PTPRQ: variants seen among roughly 807,000 people sequenced by gnomAD.
PTPRQ encodes the protein protein tyrosine phosphatase receptor type Q, also known as phosphatidylinositol phosphatase PTPRQ.
Under a neutral mutation model 246.0 loss-of-function variants are expected in PTPRQ, and 199 were observed. The observed-to-expected ratio is 0.81, with a 90% CI of 0.72 to 0.91. The LOEUF is 0.91. PTPRQ is among the 40% of genes least tolerant of loss of function. The probability of loss-of-function intolerance (pLI) is 0.00; values close to 1 mark genes in which losing one functional copy is unlikely to be tolerated. For synonymous variants in PTPRQ, 869 were observed against 853.2 expected, an observed-to-expected ratio of 1.02 and a Z score of -0.32; for missense variants, 2,624 against 2,528.4, an observed-to-expected ratio of 1.04 and a Z score of -0.81.
intron 8 of PTPRQ, among the ~76,000 whole-genome samples, chr12:80,476,474 C>A (rs1027523335): frequency 5.3e-5 from 8 of 152,008 alleles, no homozygotes; most frequent in African/African-American, 1.9e-4. Context: ...AATGGCCCAA[C>A]GATTGTCACA....
chr12:80,652,765 G>C lies in PTPRQ; in HGVS notation c.6046G>C (p.Asp2016His). The change falls in exon 38 of 45, where the codon GAT becomes CAT. Residue 2016 changes from aspartate to histidine, a missense_variant. Coordinates refer to ENST00000644991, the MANE Select transcript of PTPRQ (RefSeq NM_001145026.2). Reference protein sequence around the residue: ...EFSELPKFLQDLSSTDADLPW... With the variant: ...EFSELPKFLQHLSSTDADLPW... ...ACAGGAATTACCAAAATTTCTTCAG[G>C]ATCTTTCTTCAACTGATGCTGATCT... is the stretch of plus-strand genomic sequence containing the variant. The C allele has an allele frequency of 6.7e-7, 1 of 1,499,564 alleles. No individual in the cohort carries two copies. The highest frequency in any genetic ancestry group is 8.9e-7 in the Non-Finnish European group (1 of 1,126,888). 92.9% of individuals were successfully genotyped at this position (1,499,564 alleles called of 1,614,324 possible).
At chr12:80,627,682 T>C (rs566183821) in intron 33 of PTPRQ, among the ~76,000 whole-genome samples, 2 of 152,280 alleles carry the variant, frequency 1.3e-5, no homozygotes, top group South Asian at 4.1e-4. Context: ...CAATTTATTA[T>C]GTAAACAGAC....
intron 35 of PTPRQ, among the ~76,000 whole-genome samples, chr12:80,637,041 C>A (rs1042515535): frequency 6.6e-6 from 1 of 152,078 alleles, no homozygotes; most frequent in Non-Finnish European, 1.5e-5. Flanking sequence ...GGGTGAATAA[C>A]CTGAGGTCAG....
rs1362403717 is a variant in PTPRQ, at chr12:80,620,294, A to T, written c.5530A>T (p.Ile1844Leu). 6 of 1,549,478 alleles carry T rather than the reference A, an allele frequency of 3.9e-6. No individual in the cohort carries two copies. The highest frequency in any genetic ancestry group is 5.2e-6 in the Non-Finnish European group (6 of 1,145,586). The change falls in exon 32 of 45, where the codon ATA becomes TTA. Residue 1844 changes from isoleucine to leucine, a missense_variant. Coordinates refer to ENST00000644991, the MANE Select transcript of PTPRQ (RefSeq NM_001145026.2). ...TAGTGGCAATGAAGAAATCTACATC[A>T]TAGGTGCTGATAATGCATGCATGAT... is the stretch of plus-strand genomic sequence containing the variant. ...KFSGNEEIYIIGADNACMIPG... is the reference protein window; with the variant it reads ...KFSGNEEIYILGADNACMIPG...
intron 6 of PTPRQ, among the ~76,000 whole-genome samples, chr12:80,463,391 T>C (rs1389107519): frequency 1.3e-5 from 2 of 152,200 alleles, no homozygotes; most frequent in African/African-American, 2.4e-5. Flanking sequence ...CTACGTATGA[T>C]TGGTATACCT....
rs1171640162 is a variant in PTPRQ at position 80,444,842 on chromosome 12, T to G, written c.156T>G (p.Asn52Lys). 4.0e-6 allele frequency: 6 copies of G among 1,518,348 alleles called. No homozygotes were observed. In the Admixed American group the frequency reaches 1.2e-4, roughly 31 times the overall value. The allele number at this position is 1,518,348 out of a possible 1,614,324, so 94.1% of individuals were successfully genotyped here. A position where few individuals can be genotyped will look rare whatever the true frequency, so the allele number is the denominator to read the frequency against. ...CTGTTACTAGAATAGTGACAACAAA[T>G]GTAACAAGTGAGTATATGTTTTAAA... ...TSPVTRIVTT[N>K]VTKPGPPVFL... The change falls in exon 2 of 45, where the codon AAT becomes AAG. Residue 52 changes from asparagine to lysine, a missense_variant. Transcript: ENST00000644991.
chr12:80,472,970 G>T (rs1893688333), intron 8 of PTPRQ, among the ~76,000 whole-genome samples: 1 of 151,578 alleles, frequency 6.6e-6, no homozygotes, highest in Non-Finnish European at 1.5e-5. Flanking sequence ...TCCAGACTTT[G>T]TTTGTGTGGA....
At chr12:80,476,312 A>T (rs12300408) in intron 8 of PTPRQ, among the ~76,000 whole-genome samples, 33,320 of 152,106 alleles carry the variant, frequency 0.22, 4,110 homozygotes, top group African/African-American at 0.31. Context: ...TGATGCAAAC[A>T]TGAGCTCTAG....
At chr12:80,493,545 A>C in intron 10 of PTPRQ, 90 bp downstream of exon 10, 1 of 1,412,694 alleles carries the variant, frequency 7.1e-7, no homozygotes, top group Non-Finnish European at 9.2e-7. Flanking sequence ...GTTCAGCCAT[A>C]TTATTAATGG....
rs547232685 is a variant in PTPRQ, at chr12:80,673,107, A to T, written c.6603-62A>T. On this transcript the variant is annotated intron_variant, in intron 42 of 44. Coordinates refer to ENST00000644991, the MANE Select transcript of PTPRQ (RefSeq NM_001145026.2). ...ATTGCTATCATAGCTCATTATCTTT[A>T]TCCCCATCAAAATGAACAACCCTTT... 2.6e-6 allele frequency: 4 copies of T among 1,538,926 alleles called. No individual in the cohort carries two copies. The African/African-American group carries it at 5.5e-5, about 21-fold the overall frequency.
chr12:80,508,639 A>G (rs1048204936), intron 16 of PTPRQ, among the ~76,000 whole-genome samples: 1 of 151,950 alleles, frequency 6.6e-6, no homozygotes, highest in African/African-American at 2.4e-5. Flanking sequence ...AAAAGTTCTA[A>G]TTTTTCTAGT....
intron 25 of PTPRQ, among the ~76,000 whole-genome samples, chr12:80,555,196 G>A (rs558367308): frequency 1.8e-4 from 28 of 152,044 alleles, no homozygotes; most frequent in African/African-American, 5.5e-4. Context: ...TATTACAGGC[G>A]TGAGCCACCG....
intron 6 of PTPRQ, among the ~76,000 whole-genome samples, chr12:80,463,464 C>A (rs919332868): frequency 6.6e-6 from 1 of 152,182 alleles, no homozygotes; most frequent in Non-Finnish European, 1.5e-5. Flanking sequence ...TCCAGGAGAA[C>A]TTCCCCAATC....
At chr12:80,508,622 G>A (rs1450047758) in intron 16 of PTPRQ, among the ~76,000 whole-genome samples, 2 of 151,958 alleles carry the variant, frequency 1.3e-5, no homozygotes, top group East Asian at 3.9e-4. Context: ...CAAATTGAAT[G>A]CACTGCAAAA....
chr12:80,536,319 G>C (rs1895987399), intron 19 of PTPRQ, among the ~76,000 whole-genome samples: 1 of 152,180 alleles, frequency 6.6e-6, no homozygotes, highest in Admixed American at 6.5e-5. Context: ...TCACTAGTTA[G>C]CTCTACTGAG....
At chr12:80,658,957 T>G (rs1405345373) in intron 39 of PTPRQ, among the ~76,000 whole-genome samples, 1 of 152,014 alleles carries the variant, frequency 6.6e-6, no homozygotes, top group Non-Finnish European at 1.5e-5. Context: ...CTGTGTCTCA[T>G]TCCCTCCAAG....
intron 17 of PTPRQ, among the ~76,000 whole-genome samples, chr12:80,517,624 A>G (rs942468440): frequency 2.6e-5 from 4 of 151,622 alleles, no homozygotes; most frequent in Non-Finnish European, 5.9e-5. Context: ...TTTTATACCC[A>G]TTAACCATCC....
At chr12:80,591,990 G>A (rs1410311066) in intron 26 of PTPRQ, among the ~76,000 whole-genome samples, 1 of 152,156 alleles carries the variant, frequency 6.6e-6, no homozygotes, top group Non-Finnish European at 1.5e-5. Flanking sequence ...TCAGAAGTTG[G>A]TAAATGAAAC....
At chr12:80,556,543 T>G (rs1454939004) in intron 25 of PTPRQ, among the ~76,000 whole-genome samples, 1 of 152,226 alleles carries the variant, frequency 6.6e-6, no homozygotes. Flanking sequence ...TTTACTTAGA[T>G]CATCTGATAT....
Sources: allele counts gnomAD v4.1 joint callset (sites outside exome capture counted in the v4.1 genomes callset), GRCh38; gene constraint gnomAD v4.1.1; transcripts MANE v1.5; gene names NCBI Gene and HGNC (gene_info 2026-07-23, HGNC 2026-07-21).